Variants in GPC5 observed in about 807,000 individuals in gnomAD.
GPC5 encodes glypican 5.
GPC5 carries 47 observed loss-of-function variants against 53.9 expected under a neutral mutation model. The ratio of observed to expected loss-of-function variants is 0.87; its 90% CI spans 0.69 to 1.11. The LOEUF (loss-of-function observed/expected upper bound fraction) is 1.11. Among genes scored for constraint, GPC5 ranks in the 50% most tolerant of loss-of-function variants. The pLI, the probability that GPC5 is intolerant of heterozygous loss-of-function variation, is 0.00. For synonymous variants in GPC5, 286 were observed against 263.3 expected, an observed-to-expected ratio of 1.09 and a Z score of -0.84; for missense variants, 748 against 713.1, an observed-to-expected ratio of 1.05 and a Z score of -0.56.
chr13:92,830,423 C>T (rs1053592479), intron 7 of GPC5, among the ~76,000 whole-genome samples: 1 of 152,010 alleles, frequency 6.6e-6, no homozygotes, highest in Non-Finnish European at 1.5e-5. Flanking sequence ...AAAACTCATA[C>T]CTCAGTCTTC....
chr13:92,168,776 G>A (rs954074220), intron 7 of GPC5, among the ~76,000 whole-genome samples: 2 of 152,140 alleles, frequency 1.3e-5, no homozygotes, highest in African/African-American at 4.8e-5. Flanking sequence ...CAGTGTGGCA[G>A]TTCCTCAGAG....
At chr13:92,022,147 G>A (rs567497416) in intron 6 of GPC5, among the ~76,000 whole-genome samples, 4 of 151,930 alleles carry the variant, frequency 2.6e-5, no homozygotes, top group African/African-American at 4.8e-5. Flanking sequence ...TTATAGGCAC[G>A]TGCTACCACA....
intron 2 of GPC5, among the ~76,000 whole-genome samples, chr13:91,498,682 G>C (rs1455924576): frequency 6.6e-6 from 1 of 152,122 alleles, no homozygotes; most frequent in Non-Finnish European, 1.5e-5. Flanking sequence ...ATGGTGGTCA[G>C]GGTAGCTGTA....
At chr13:92,827,360 C>T (rs558213607) in intron 7 of GPC5, among the ~76,000 whole-genome samples, 23 of 152,210 alleles carry the variant, frequency 1.5e-4, no homozygotes, top group African/African-American at 5.5e-4. Flanking sequence ...GACATAGACT[C>T]AGAACTTTCC....
At chr13:91,863,479 G>A (rs1168276077) in intron 5 of GPC5, among the ~76,000 whole-genome samples, 5 of 152,068 alleles carry the variant, frequency 3.3e-5, no homozygotes, top group African/African-American at 9.7e-5. Context: ...ACTAATACAT[G>A]TTGAACACTA....
At chr13:92,836,278 T>C (rs1327474230) in intron 7 of GPC5, among the ~76,000 whole-genome samples, 1 of 152,102 alleles carries the variant, frequency 6.6e-6, no homozygotes, top group Non-Finnish European at 1.5e-5. Context: ...GCAGGATTTT[T>C]ATTGTTTACA....
At chr13:92,236,459 C>T (rs1237870528) in intron 7 of GPC5, among the ~76,000 whole-genome samples, 5 of 151,696 alleles carry the variant, frequency 3.3e-5, no homozygotes, top group Non-Finnish European at 1.5e-5. Flanking sequence ...GGTATAGATC[C>T]CAGTAGAAAA....
At chr13:92,085,972 A>T (rs774095176) in intron 6 of GPC5, among the ~76,000 whole-genome samples, 1 of 152,222 alleles carries the variant, frequency 6.6e-6, no homozygotes, top group South Asian at 2.1e-4. Context: ...ACGGACTAGT[A>T]TGGGTTTGGA....
At chr13:92,114,160 T>C (rs1171502949) in intron 6 of GPC5, among the ~76,000 whole-genome samples, 2 of 152,150 alleles carry the variant, frequency 1.3e-5, no homozygotes, top group Admixed American at 6.5e-5. Context: ...ATAAAGAGTA[T>C]AGAAACAGAG....
At chr13:92,147,327 G>T (rs1335302666) in intron 7 of GPC5, among the ~76,000 whole-genome samples, 2 of 151,614 alleles carry the variant, frequency 1.3e-5, no homozygotes, top group African/African-American at 2.4e-5. Context: ...TAATTGCATG[G>T]CCATCTAAAT....
At chr13:92,666,083 A>C (rs1886555173) in intron 7 of GPC5, among the ~76,000 whole-genome samples, 1 of 152,220 alleles carries the variant, frequency 6.6e-6, no homozygotes, top group African/African-American at 2.4e-5. Context: ...ATATTGAAAA[A>C]ATAAGTTACA....
chr13:92,225,765 C>T (rs1214005528), intron 7 of GPC5, among the ~76,000 whole-genome samples: 4 of 151,978 alleles, frequency 2.6e-5, no homozygotes, highest in Non-Finnish European at 5.9e-5. Flanking sequence ...AAAAAATGCC[C>T]TTTATAAACT....
chr13:91,675,376 A>G (rs1040849221), intron 2 of GPC5, among the ~76,000 whole-genome samples: 5 of 152,186 alleles, frequency 3.3e-5, no homozygotes, highest in Non-Finnish European at 7.3e-5. Context: ...CTAGGAATTT[A>G]GAGTAGTTGG....
intron 4 of GPC5, among the ~76,000 whole-genome samples, chr13:91,734,352 A>C (rs1485100793): frequency 6.6e-6 from 1 of 151,316 alleles, no homozygotes; most frequent in Non-Finnish European, 1.5e-5. Flanking sequence ...GCGATGGGTA[A>C]GTATGTCTAG....
chr13:91,554,502 G>C (rs772648062), intron 2 of GPC5, among the ~76,000 whole-genome samples: 8 of 152,066 alleles, frequency 5.3e-5, no homozygotes, highest in Non-Finnish European at 1.0e-4. Context: ...AAAGCAGTTT[G>C]TGATGGATCT....
chr13:92,387,067 T>C (rs1283429477), intron 7 of GPC5, among the ~76,000 whole-genome samples: 1 of 152,116 alleles, frequency 6.6e-6, no homozygotes, highest in Non-Finnish European at 1.5e-5. Context: ...TTGAAGATCA[T>C]GTGCTGCATG....
chr13:92,436,023 A>G (rs1294987014), intron 7 of GPC5, among the ~76,000 whole-genome samples: 1 of 152,166 alleles, frequency 6.6e-6, no homozygotes, highest in Non-Finnish European at 1.5e-5. Context: ...GTAGCAGCCT[A>G]TTGAGTAAAT....
chr13:92,166,956 T>TCTCTCTCACACACA (rs1415930136), intron 7 of GPC5, among the ~76,000 whole-genome samples: 2 of 84,706 alleles, frequency 2.4e-5, no homozygotes, highest in African/African-American at 9.0e-5. Flanking sequence ...TCTCTCTCTC[T>TCTCTCTCACACACA]CACACACACA....
chr13:92,058,779 G>T (rs2041097361), intron 6 of GPC5, among the ~76,000 whole-genome samples: 1 of 152,058 alleles, frequency 6.6e-6, no homozygotes, highest in Non-Finnish European at 1.5e-5. Flanking sequence ...CCTGACCTCA[G>T]GTGATCCACC....
Sources: gnomAD v4.1 joint callset for allele counts (sites outside exome capture counted in the v4.1 genomes callset) on GRCh38, gnomAD v4.1.1 for gene constraint, MANE v1.5 for transcripts, NCBI Gene and HGNC (gene_info 2026-07-23, HGNC 2026-07-21) for gene names.